Variants in CHCHD3 observed in about 807,000 individuals in gnomAD.
The protein encoded by CHCHD3 is MICOS complex subunit MIC19.
A neutral mutation model predicts 38.2 loss-of-function variants in CHCHD3; 20 were observed. The observed-to-expected ratio is 0.52, with a 90% CI of 0.37 to 0.76. CHCHD3 has a LOEUF of 0.76. CHCHD3 is among the 30% of genes least tolerant of loss of function. CHCHD3 has a pLI of 0.00. For synonymous variants in CHCHD3, 82 were observed against 100.0 expected (o/e 0.82, Z 1.07); for missense variants, 245 against 279.2 (o/e 0.88, Z 0.87).
intron 5 of CHCHD3, among the ~76,000 whole-genome samples, chr7:132,884,249 C>T (rs1027055843): frequency 2.6e-5 from 4 of 152,112 alleles, no homozygotes; most frequent in Admixed American, 2.0e-4. Flanking sequence ...AGGCCTCTTC[C>T]CAAATGTCAT....
intron 1 of CHCHD3, among the ~76,000 whole-genome samples, chr7:133,079,608 G>A (rs189926006): frequency 3.3e-5 from 5 of 152,274 alleles, no homozygotes; most frequent in South Asian, 2.1e-4. Context: ...TGGTATTACC[G>A]TTTATGGATA....
chr7:132,907,912 T>C (rs909626131), intron 4 of CHCHD3, among the ~76,000 whole-genome samples: 1 of 152,032 alleles, frequency 6.6e-6, no homozygotes, highest in Non-Finnish European at 1.5e-5. Context: ...GGCAGTGAAC[T>C]GCAGAACTGA....
chr7:132,931,202 C>G (rs2117255106), intron 4 of CHCHD3, among the ~76,000 whole-genome samples: 2 of 152,262 alleles, frequency 1.3e-5, no homozygotes, highest in African/African-American at 4.8e-5. Context: ...TTTTGATTCG[C>G]ATTCCCCTCA....
chr7:133,050,730 T>A (rs568640256), intron 2 of CHCHD3, among the ~76,000 whole-genome samples: 6 of 152,244 alleles, frequency 3.9e-5, no homozygotes, highest in African/African-American at 1.4e-4. Flanking sequence ...CTTAAAAATA[T>A]GCCAGGCGCA....
At chr7:132,868,457 A>G (rs2117145136) in intron 5 of CHCHD3, among the ~76,000 whole-genome samples, 1 of 152,278 alleles carries the variant, frequency 6.6e-6, no homozygotes, top group East Asian at 1.9e-4. Flanking sequence ...TTCTTAAAAA[A>G]GGTTAACACA....
At chr7:132,955,962 A>G (rs897661190) in intron 4 of CHCHD3, among the ~76,000 whole-genome samples, 1 of 152,220 alleles carries the variant, frequency 6.6e-6, no homozygotes, top group African/African-American at 2.4e-5. Flanking sequence ...TTCTTGCTCA[A>G]AGTGGATTCT....
chr7:132,919,854 T>C (rs974850186), intron 4 of CHCHD3, among the ~76,000 whole-genome samples: 2 of 152,192 alleles, frequency 1.3e-5, no homozygotes, highest in African/African-American at 4.8e-5. Flanking sequence ...AGTTGGTGTA[T>C]GTTGGACAGC....
At chr7:133,001,097 T>C (rs1055374517) in intron 3 of CHCHD3, among the ~76,000 whole-genome samples, 18 of 152,182 alleles carry the variant, frequency 1.2e-4, no homozygotes, top group Admixed American at 1.2e-3. Flanking sequence ...CCAAAAATGA[T>C]TTAATTTCTC....
At chr7:132,819,376 T>G (rs973164690) in intron 6 of CHCHD3, among the ~76,000 whole-genome samples, 3 of 152,236 alleles carry the variant, frequency 2.0e-5, no homozygotes, top group Non-Finnish European at 4.4e-5. Flanking sequence ...GTAGTTTAAA[T>G]GCACACACAC....
Position 132,789,587 on chromosome 7 carries a change from T to C in CHCHD3, c.661-3927A>G, listed in dbSNP as rs114157205. ...AAGCAGTAATCTCATCAACTGATTT[T>C]TGAATCACAGCTTTCTTGGAGGGGT... On this transcript the variant is annotated intron_variant, in intron 7 of 7. Transcript: ENST00000262570. Among the ~76,000 whole-genome samples, 1,296 of 152,320 alleles carry C rather than the reference T, an allele frequency of 8.5e-3. 24 individuals carry two copies. Among genetic ancestry groups the C allele is most frequent in the African/African-American group, 0.03 (1,245 of 41,566 alleles).
intron 3 of CHCHD3, among the ~76,000 whole-genome samples, chr7:132,984,729 A>G (rs1359263564): frequency 6.8e-6 from 1 of 147,342 alleles, no homozygotes; most frequent in African/African-American, 2.5e-5. Flanking sequence ...CTGAGAAGTG[A>G]GGAGACCCTC....
At chr7:132,880,361 A>G (rs1809020564) in intron 5 of CHCHD3, among the ~76,000 whole-genome samples, 1 of 152,222 alleles carries the variant, frequency 6.6e-6, no homozygotes, top group Non-Finnish European at 1.5e-5. Context: ...GCCAATCACA[A>G]TGTAAATGCT....
intron 5 of CHCHD3, among the ~76,000 whole-genome samples, chr7:132,857,999 C>A (rs1808385799): frequency 1.3e-5 from 2 of 152,188 alleles, no homozygotes; most frequent in African/African-American, 4.8e-5. Flanking sequence ...CTGTATTCCT[C>A]TATGCTGAGA....
chr7:133,015,348 T>TAAA (rs1554401136), intron 3 of CHCHD3, among the ~76,000 whole-genome samples: 1 of 143,894 alleles, frequency 6.9e-6, no homozygotes, highest in Non-Finnish European at 1.5e-5. Context: ...GTCTCAAAAA[T>TAAA]TAAATAAATA....
intron 6 of CHCHD3, among the ~76,000 whole-genome samples, chr7:132,813,858 C>T (rs1033731614): frequency 1.2e-4 from 19 of 152,200 alleles, no homozygotes; most frequent in African/African-American, 3.6e-4. Flanking sequence ...TTAAAAATCA[C>T]GCCTCCAGCA....
chr7:132,789,186 A>G (rs1243329755), intron 7 of CHCHD3, among the ~76,000 whole-genome samples: 1 of 152,218 alleles, frequency 6.6e-6, no homozygotes, highest in African/African-American at 2.4e-5. Context: ...TTAACACTGC[A>G]TAAATTAACA....
At chr7:132,977,848 A>C (rs1373301023) in intron 3 of CHCHD3, among the ~76,000 whole-genome samples, 1 of 152,146 alleles carries the variant, frequency 6.6e-6, no homozygotes. Flanking sequence ...ACATGGTTCA[A>C]CTTTAAGAAA....
chr7:132,926,136 T>A (rs546491866), intron 4 of CHCHD3, among the ~76,000 whole-genome samples: 3 of 152,278 alleles, frequency 2.0e-5, no homozygotes, highest in African/African-American at 7.2e-5. Context: ...AGAGGCAATG[T>A]GGAACACAGA....
chr7:133,011,130 C>T (rs1437643051), intron 3 of CHCHD3, among the ~76,000 whole-genome samples: 5 of 152,060 alleles, frequency 3.3e-5, no homozygotes, highest in Middle Eastern at 3.4e-3. Context: ...GTTTGGCAGC[C>T]GATGTGGCCG....
Sources: gnomAD v4.1 joint callset for allele counts (sites outside exome capture counted in the v4.1 genomes callset) on GRCh38, gnomAD v4.1.1 for gene constraint, MANE v1.5 for transcripts, NCBI Gene and HGNC (gene_info 2026-07-23, HGNC 2026-07-21) for gene names.